CAMK1D: variants seen among roughly 807,000 people sequenced by gnomAD.
CAMK1D encodes the protein calcium/calmodulin-dependent protein kinase type 1D.
Under a neutral mutation model 47.7 loss-of-function variants are expected in CAMK1D, and 9 were observed. That is an observed-to-expected ratio of 0.19 (90% confidence interval 0.11 to 0.33). The LOEUF (loss-of-function observed/expected upper bound fraction) is 0.33, where lower values mean the gene tolerates loss of function less well. Among genes scored for constraint, CAMK1D ranks in the 10% least tolerant of loss-of-function variants. CAMK1D has a pLI of 1.00. For missense variants in CAMK1D, 291 were observed against 488.7 expected, an observed-to-expected ratio of 0.60 and a Z score of 3.81; for synonymous variants, 184 against 184.9, an observed-to-expected ratio of 0.99 and a Z score of 0.04.
chr10:12,364,808 A>G (rs1284676059), intron 1 of CAMK1D, among the ~76,000 whole-genome samples: 2 of 152,110 alleles, frequency 1.3e-5, no homozygotes, highest in African/African-American at 4.8e-5. Context: ...CCATGGTTTA[A>G]CAACCTACTT....
chr10:12,381,338 CTTTCT>C (rs1476903216), intron 1 of CAMK1D, among the ~76,000 whole-genome samples: 5 of 140,810 alleles, frequency 3.6e-5, no homozygotes, highest in Admixed American at 1.5e-4. Context: ...AATCATAATG[CTTTCT>C]TTTTTTTTTT....
rs1396527624 is a variant in CAMK1D at position 12,397,289 on chromosome 10, C to A, written c.92+47379C>A. ...TGCAGGTGTTCTGTTCTTTCAAGCGCCCTAGGATGGCCATGACCTTTGGTT... is the reference window on the plus strand; with the variant it reads ...TGCAGGTGTTCTGTTCTTTCAAGCGACCTAGGATGGCCATGACCTTTGGTT... On this transcript the variant is annotated intron_variant, in intron 1 of 10. Transcript: ENST00000619168. Among the ~76,000 whole-genome samples, 4 of 152,088 alleles carry A rather than the reference C, an allele frequency of 2.6e-5. No individual in the cohort carries two copies. In the South Asian group the frequency reaches 8.3e-4, roughly 31 times the overall value.
At chr10:12,460,014 T>C (rs902652464) in intron 1 of CAMK1D, among the ~76,000 whole-genome samples, 35 of 152,294 alleles carry the variant, frequency 2.3e-4, no homozygotes, top group African/African-American at 8.2e-4. Context: ...CCATCTGACA[T>C]GGAACCGGCG....
chr10:12,354,153 A>G (rs1411420492), intron 1 of CAMK1D, among the ~76,000 whole-genome samples: 4 of 152,184 alleles, frequency 2.6e-5, no homozygotes, highest in Non-Finnish European at 5.9e-5. Flanking sequence ...TGCCCTAGAA[A>G]ATGGATCTTC....
intron 1 of CAMK1D, among the ~76,000 whole-genome samples, chr10:12,357,706 T>C (rs1271450192): frequency 2.0e-5 from 3 of 152,128 alleles, no homozygotes; most frequent in African/African-American, 7.2e-5. Flanking sequence ...ATTTTCCTGA[T>C]GCAAGATGGT....
intron 3 of CAMK1D, chr10:12,667,097 T>C (rs1840458280): frequency 8.7e-6 from 3 of 345,854 alleles, no homozygotes. Context: ...TGCTTTCTAA[T>C]ATGCCAGGGC....
intron 4 of CAMK1D, among the ~76,000 whole-genome samples, chr10:12,762,328 A>G (rs1251855145): frequency 6.6e-6 from 1 of 152,222 alleles, no homozygotes; most frequent in Non-Finnish European, 1.5e-5. Flanking sequence ...ATCAAAATCA[A>G]TTTAAAGAAC....
chr10:12,542,029 C>G (rs1262851308), intron 1 of CAMK1D, among the ~76,000 whole-genome samples: 1 of 152,036 alleles, frequency 6.6e-6, no homozygotes. Context: ...CATGCACCAC[C>G]ATGGCAGGAT....
chr10:12,801,951 TC>T (rs1411353568), intron 6 of CAMK1D, among the ~76,000 whole-genome samples: 5 of 152,180 alleles, frequency 3.3e-5, no homozygotes, highest in African/African-American at 7.2e-5. Flanking sequence ...TCCTCTGACT[TC>T]CTGGCTGAGG....
At chr10:12,815,152 C>T (rs781366381) in intron 7 of CAMK1D, among the ~76,000 whole-genome samples, 8 of 152,310 alleles carry the variant, frequency 5.3e-5, no homozygotes, top group East Asian at 1.9e-4. Flanking sequence ...GGGGCAGAGC[C>T]GGCATTTGAA....
intron 4 of CAMK1D, among the ~76,000 whole-genome samples, chr10:12,769,179 G>T (rs1460064595): frequency 6.6e-6 from 1 of 152,184 alleles, no homozygotes; most frequent in East Asian, 1.9e-4. Flanking sequence ...AGCGAGCACG[G>T]GTCAGCTGGC....
At chr10:12,427,587 C>T (rs1295309337) in intron 1 of CAMK1D, among the ~76,000 whole-genome samples, 1 of 152,042 alleles carries the variant, frequency 6.6e-6, no homozygotes, top group Admixed American at 6.5e-5. Context: ...CCTGGCCTTC[C>T]ACTGGCCATC....
chr10:12,453,542 A>T (rs1328784607), intron 1 of CAMK1D, among the ~76,000 whole-genome samples: 1 of 152,052 alleles, frequency 6.6e-6, no homozygotes, highest in African/African-American at 2.4e-5. Context: ...GCTAGATCAT[A>T]TTTCGCTTAC....
rs76611860 is a variant in CAMK1D, at chr10:12,811,843, C to T, written c.642-2352C>T. On this transcript the variant is annotated intron_variant, in intron 6 of 10. Transcript: ENST00000619168. ...GCACATTTCATTTTGCCTGAATCCT[C>T]ATCGTGGGAGAAATGGACAGACCCA... Among the ~76,000 whole-genome samples, 424 of 152,362 alleles carry T rather than the reference C, an allele frequency of 2.8e-3. 3 individuals carry two copies. The highest frequency in any genetic ancestry group is 9.6e-3 in the African/African-American group (400 of 41,592).
chr10:12,515,516 C>T (rs1426195553), intron 1 of CAMK1D, among the ~76,000 whole-genome samples: 1 of 142,788 alleles, frequency 7.0e-6, no homozygotes, highest in East Asian at 2.0e-4. Context: ...GCGCTGCACC[C>T]ACTAACTCGT....
intron 2 of CAMK1D, among the ~76,000 whole-genome samples, chr10:12,640,293 G>T (rs1839630599): frequency 1.4e-5 from 2 of 144,676 alleles, no homozygotes; most frequent in African/African-American, 5.1e-5. Flanking sequence ...CAGAAGGAGT[G>T]GGGAGAAGGA....
chr10:12,767,733 C>T (rs1186761558), intron 4 of CAMK1D, among the ~76,000 whole-genome samples: 2 of 152,198 alleles, frequency 1.3e-5, no homozygotes, highest in Admixed American at 6.5e-5. Flanking sequence ...TTTTGAGTCT[C>T]TGATCAGTTC....
chr10:12,635,550 A>G (rs1208807717), intron 2 of CAMK1D, among the ~76,000 whole-genome samples: 3 of 152,116 alleles, frequency 2.0e-5, no homozygotes, highest in Admixed American at 2.0e-4. Context: ...TTCCTTTAGA[A>G]GAGAGAAGGG....
chr10:12,760,828 A>T, intron 3 of CAMK1D, 120 bp from the exon 4 acceptor site: 2 of 1,099,326 alleles, frequency 1.8e-6, no homozygotes, highest in East Asian at 4.8e-5. Flanking sequence ...GGGGGGCAAC[A>T]TCTCAATCTG....
Sources: allele counts gnomAD v4.1 joint callset (sites outside exome capture counted in the v4.1 genomes callset), GRCh38; gene constraint gnomAD v4.1.1; transcripts MANE v1.5; gene names NCBI Gene and HGNC (gene_info 2026-07-23, HGNC 2026-07-21).